Variants in IREB2 observed in about 807,000 individuals in gnomAD.
The protein encoded by IREB2 is iron responsive element binding protein 2.
A neutral mutation model predicts 118.8 loss-of-function variants in IREB2; 39 were observed. The observed-to-expected ratio is 0.33, with a 90% CI of 0.25 to 0.43. The LOEUF (loss-of-function observed/expected upper bound fraction) is 0.43, where lower values mean the gene tolerates loss of function less well. Among genes scored for constraint, IREB2 ranks in the 20% least tolerant of loss-of-function variants. IREB2 has a pLI of 1.00. For missense variants in IREB2, 900 were observed against 1,147.3 expected (o/e 0.78, Z 3.11); for synonymous variants, 372 against 392.2 (o/e 0.95, Z 0.61).
At chr15:78,487,904 TTA>T (rs2051687775) in intron 14 of IREB2, 87 bp downstream of exon 14, 1 of 865,830 alleles carries the variant, frequency 1.2e-6, no homozygotes, top group East Asian at 2.7e-5. Context: ...ATTGATGTGT[TTA>T]TATTTCTGTA....
chr15:78,471,576 T>C (rs1324294684), intron 6 of IREB2, among the ~76,000 whole-genome samples, 165 bp from the exon 7 acceptor site: 3 of 152,220 alleles, frequency 2.0e-5, no homozygotes, highest in African/African-American at 7.2e-5. Flanking sequence ...AAAAAATACA[T>C]TTAGGTTCAG....
At chr15:78,489,345 G>A (rs2036533) in intron 16 of IREB2, among the ~76,000 whole-genome samples, 33,532 of 151,904 alleles carry the variant, frequency 0.22, 4,017 homozygotes, top group South Asian at 0.35. Context: ...TGCACATCCC[G>A]CATATGTACC....
intron 2 of IREB2, among the ~76,000 whole-genome samples, chr15:78,451,033 C>CGGCTCACT (rs1457834595): frequency 6.6e-6 from 1 of 151,946 alleles, no homozygotes; most frequent in Non-Finnish European, 1.5e-5. Flanking sequence ...GGCTCAATCT[C>CGGCTCACT]GGCTCACTGC....
Position 78,499,488 on chromosome 15 carries a change from A to C in IREB2, c.*1345A>C, listed in dbSNP as rs1490195503. 1 of 152,216 alleles carries C rather than the reference A, an allele frequency of 6.6e-6. No individual in the cohort carries two copies. Among genetic ancestry groups the C allele is most frequent in the Admixed American group, 6.5e-5 (1 of 15,280 alleles). 9.4% of individuals were successfully genotyped at this position (152,216 alleles called of 1,614,324 possible). On this transcript the variant is annotated 3_prime_UTR_variant, in exon 22 of 22. Transcript: ENST00000258886. ...GCAATTCAGAATTAGTTCACATTGC[A>C]TAAAGAATTACTTGTTGTAAGCAAA... is the stretch of plus-strand genomic sequence containing the variant.
At chr15:78,467,208 CA>C (rs377224708) in intron 5 of IREB2, among the ~76,000 whole-genome samples, 104 of 99,940 alleles carry the variant, frequency 1.0e-3, no homozygotes, top group African/African-American at 1.5e-3. Context: ...GAGACTGTCG[CA>C]AAAAAAAAAA....
At chr15:78,487,708 C>G (rs763062815) in intron 13 of IREB2, 25 bp from the exon 14 acceptor site, 1 of 1,271,642 alleles carries the variant, frequency 7.9e-7, no homozygotes, top group South Asian at 1.2e-5. Context: ...ATGTGCTATT[C>G]AGTCACTTTT....
intron 5 of IREB2, among the ~76,000 whole-genome samples, chr15:78,469,701 G>A (rs906745118): frequency 2.6e-5 from 4 of 151,914 alleles, no homozygotes; most frequent in African/African-American, 9.7e-5. Flanking sequence ...TCCAGCCTGG[G>A]CAACAAGAGC....
intron 12 of IREB2, among the ~76,000 whole-genome samples, chr15:78,485,504 A>C (rs2051643937): frequency 6.6e-6 from 1 of 152,252 alleles, no homozygotes; most frequent in Non-Finnish European, 1.5e-5. Flanking sequence ...TATCTTAATA[A>C]TTTTCAACAT....
chr15:78,449,365 T>C (rs1275353931), intron 2 of IREB2, among the ~76,000 whole-genome samples: 1 of 152,192 alleles, frequency 6.6e-6, no homozygotes, highest in African/African-American at 2.4e-5. Flanking sequence ...CCAAAACCTA[T>C]GCTTGTAAAA....
chr15:78,481,204 G>A lies in IREB2; in HGVS notation c.1297-2114G>A, dbSNP rs141101832. Among the ~76,000 whole-genome samples the A allele has an allele frequency of 9.4e-3, 1,431 of 152,220 alleles. 23 individuals carry two copies. The highest frequency in any genetic ancestry group is 0.033 in the African/African-American group (1,357 of 41,536). ...TTTGAAGCTGCAGTGAGCTATGATC[G>A]AGTCAATGCACTCCAGCCTTGAGCG... is the stretch of plus-strand genomic sequence containing the variant. On this transcript the variant is annotated intron_variant, in intron 10 of 21. Transcript: ENST00000258886.
At chr15:78,457,392 C>G (rs1230821245) in intron 2 of IREB2, among the ~76,000 whole-genome samples, 1 of 152,004 alleles carries the variant, frequency 6.6e-6, no homozygotes, top group African/African-American at 2.4e-5. Context: ...TTTGTTTACT[C>G]TCTGATTTTA....
At chr15:78,443,169 T>G (rs1374249615) in intron 2 of IREB2, among the ~76,000 whole-genome samples, 1 of 152,196 alleles carries the variant, frequency 6.6e-6, no homozygotes, top group Admixed American at 6.5e-5. Flanking sequence ...TAGAGATTAA[T>G]AATAACTAAT....
Position 78,473,255 on chromosome 15 carries a change from T to C in IREB2, c.897T>C (p.Ile299=). 1.2e-6 allele frequency: 2 copies of C among 1,614,032 alleles called. No homozygotes were observed. The highest frequency in any genetic ancestry group is 1.7e-5 in the Admixed American group (1 of 60,024). ...LGILGWGVGG[I]ETEAVMLGLP... ...TTATTACGTTAGGGGTTGGAGGCATTGAAACAGAAGCAGTTATGCTTGGTC... is the reference window on the plus strand; with the variant it reads ...TTATTACGTTAGGGGTTGGAGGCATCGAAACAGAAGCAGTTATGCTTGGTC... The change falls in exon 8 of 22, where the codon ATT becomes ATC. Residue 299 remains isoleucine (I), a synonymous_variant. Coordinates refer to ENST00000258886, the MANE Select transcript of IREB2 (RefSeq NM_004136.4).
In IREB2 at chr15:78,476,248, C is replaced by A; in HGVS notation, c.1084C>A (p.Gln362Lys). The A allele has an allele frequency of 1.2e-6, 2 of 1,603,056 alleles. 1 individual carries two copies. The highest frequency in any genetic ancestry group is 2.2e-5 in the South Asian group (2 of 89,888). The change falls in exon 9 of 22, where the codon CAA (glutamine) becomes AAA (lysine). Residue 362 changes from glutamine to lysine, a missense_variant. Gln to Lys is a moderately conservative substitution (Grantham distance 53). Transcript: ENST00000258886. ...TGAGTTTTTTGGAAGTGGAGTTTCA[C>A]AATTATCTATAGTTGATCGAACTAC... ...FVEFFGSGVSQLSIVDRTTIA... is the reference protein window; with the variant it reads ...FVEFFGSGVSKLSIVDRTTIA...
chr15:78,496,562 C>T (rs1400195868), intron 20 of IREB2, among the ~76,000 whole-genome samples: 1 of 152,088 alleles, frequency 6.6e-6, no homozygotes, highest in African/African-American at 2.4e-5. Flanking sequence ...GCCACTGCAT[C>T]CAGCCTATTC....
chr15:78,471,881 T>G lies in IREB2; in HGVS notation c.840T>G (p.Asp280Glu). 1 of 1,611,320 alleles carries G rather than the reference T, an allele frequency of 6.2e-7. No homozygotes were observed. The highest frequency in any genetic ancestry group is 8.5e-7 in the Non-Finnish European group (1 of 1,178,790). ...LLFPDSVVGT[D>E]SHITMVNGLG... Reference sequence around the variant, plus strand: ...TCCCAGACAGTGTAGTCGGCACAGATTCACACATAACGATGGTGAATGGTT... The same window carrying G: ...TCCCAGACAGTGTAGTCGGCACAGAGTCACACATAACGATGGTGAATGGTT... The change falls in exon 7 of 22, where the codon GAT becomes GAG. Residue 280 changes from aspartate to glutamate, a missense_variant. Asp to Glu is a conservative substitution (Grantham distance 45, BLOSUM62 2). Transcript: ENST00000258886.
intron 2 of IREB2, among the ~76,000 whole-genome samples, chr15:78,461,612 A>G (rs182041962): frequency 6.6e-6 from 1 of 152,320 alleles, no homozygotes; most frequent in Admixed American, 6.5e-5. Flanking sequence ...TGGTTAGACA[A>G]TCTGAACTAA....
chr15:78,441,701 A>G (rs149310103), intron 2 of IREB2, among the ~76,000 whole-genome samples: 1 of 152,320 alleles, frequency 6.6e-6, no homozygotes, highest in East Asian at 1.9e-4. Context: ...TGAAAGTTAA[A>G]TTTTCCCTGG....
chr15:78,478,901 C>G (rs566021042), intron 10 of IREB2, among the ~76,000 whole-genome samples: 1 of 152,052 alleles, frequency 6.6e-6, no homozygotes, highest in African/African-American at 2.4e-5. Flanking sequence ...TAGAATAGTT[C>G]CAGGCACATA....
Sources: allele counts gnomAD v4.1 joint callset (sites outside exome capture counted in the v4.1 genomes callset), GRCh38; gene constraint gnomAD v4.1.1; transcripts MANE v1.5; gene names NCBI Gene and HGNC (gene_info 2026-07-23, HGNC 2026-07-21).